The following DST variants were observed in gnomAD, a reference collection of about 807,000 sequenced individuals.
DST encodes the protein dystonin.
DST carries 253 observed loss-of-function variants against 875.2 expected under a neutral mutation model. The ratio of observed to expected loss-of-function variants is 0.29; its 90% confidence interval spans 0.26 to 0.32. DST has a LOEUF of 0.32. DST is among the 10% of genes least tolerant of loss of function. The pLI is 1.00. For missense variants in DST, 8,287 were observed against 9,111.6 expected, an observed-to-expected ratio of 0.91 and a Z score of 3.68; for synonymous variants, 3,124 against 3,197.1, an observed-to-expected ratio of 0.98 and a Z score of 0.77.
chr6:56,688,806 G>A (rs1179277961), intron 9 of DST, among the ~76,000 whole-genome samples: 3 of 152,090 alleles, frequency 2.0e-5, no homozygotes, highest in Non-Finnish European at 2.9e-5. Flanking sequence ...AAAGAGCTAC[G>A]TTTTACTTAT....
intron 2 of DST, among the ~76,000 whole-genome samples, chr6:56,921,873 G>A (rs1260205465): frequency 6.6e-6 from 1 of 152,026 alleles, no homozygotes; most frequent in Non-Finnish European, 1.5e-5. Context: ...AACCATAGAA[G>A]ATACAAAAGA....
At chr6:56,529,165 C>T (rs1046727355) in intron 66 of DST, among the ~76,000 whole-genome samples, 3 of 152,070 alleles carry the variant, frequency 2.0e-5, no homozygotes, top group African/African-American at 7.2e-5. Context: ...TACTTAGGGC[C>T]CTATGAAAAT....
chr6:56,536,000 T>C (rs2096989718), intron 62 of DST, among the ~76,000 whole-genome samples: 1 of 152,234 alleles, frequency 6.6e-6, no homozygotes, highest in Admixed American at 6.5e-5. Flanking sequence ...TGTATCAGAC[T>C]TTAAAGAATG....
chr6:56,754,509 T>C (rs2099596845), intron 4 of DST, among the ~76,000 whole-genome samples: 1 of 152,162 alleles, frequency 6.6e-6, no homozygotes, highest in Non-Finnish European at 1.5e-5. Context: ...CCATTCTCAT[T>C]ATCACTAGTT....
At chr6:56,784,821 T>C (rs2099701757) in intron 4 of DST, among the ~76,000 whole-genome samples, 1 of 152,196 alleles carries the variant, frequency 6.6e-6, no homozygotes. Flanking sequence ...GAGTTTCCAG[T>C]TTTTCTGCTC....
intron 4 of DST, among the ~76,000 whole-genome samples, chr6:56,789,438 T>A (rs894414575): frequency 4.6e-5 from 7 of 152,252 alleles, no homozygotes; most frequent in African/African-American, 1.4e-4. Context: ...TTACTTTTTT[T>A]AATTGCAGTA....
chr6:56,657,708 C>A (rs2099016849), intron 10 of DST, among the ~76,000 whole-genome samples: 1 of 152,152 alleles, frequency 6.6e-6, no homozygotes, highest in Non-Finnish European at 1.5e-5. Context: ...ACTTAACTAT[C>A]AACTTAAAAC....
At chr6:56,588,053 AC>A (rs1276727587) in intron 49 of DST, among the ~76,000 whole-genome samples, 6 of 152,196 alleles carry the variant, frequency 3.9e-5, no homozygotes, top group Non-Finnish European at 1.5e-5. Flanking sequence ...TCAAATTCAC[AC>A]ATAACAATAT....
intron 48 of DST, among the ~76,000 whole-genome samples, chr6:56,592,681 T>C (rs2098300415): frequency 6.6e-6 from 1 of 152,202 alleles, no homozygotes; most frequent in East Asian, 1.9e-4. Flanking sequence ...ACCATGTGTA[T>C]AGATATCGAT....
chr6:56,784,996 G>C (rs1413628039), intron 4 of DST, among the ~76,000 whole-genome samples: 4 of 152,196 alleles, frequency 2.6e-5, no homozygotes, highest in Non-Finnish European at 5.9e-5. Context: ...GTCCACTCCA[G>C]ACCCTGTTTG....
At chr6:56,620,082 C>A in intron 36 of DST, 1 of 1,613,650 alleles carries the variant, frequency 6.2e-7, no homozygotes, top group South Asian at 1.1e-5. Flanking sequence ...CTTCTTGCTT[C>A]CAATTCAATT....
chr6:56,800,351 TTGATA>T (rs1442328332), intron 4 of DST, among the ~76,000 whole-genome samples: 2 of 152,246 alleles, frequency 1.3e-5, no homozygotes, highest in Non-Finnish European at 1.5e-5. Context: ...GTCAACTCTA[TTGATA>T]TAATTCTAGT....
In DST at chr6:56,593,679, C is replaced by T. The variant is rs756761973; in HGVS notation, c.12710G>A (p.Arg4237Lys). ...TAACATTACCTTAGAGTAGAGAGAC[C>T]TGAACCGATCAGTAGCATGATCCAA... ...RKLDHATDRFRSLYSKCNVLG... is the reference protein window; with the variant it reads ...RKLDHATDRFKSLYSKCNVLG... The change falls in exon 48 of 104, where the codon AGG (arginine) becomes AAG (lysine). Residue 4237 changes from arginine (R) to lysine (K), a missense_variant. Arg to Lys is a conservative substitution (Grantham distance 26, BLOSUM62 2). Transcript: ENST00000680361. 1.1e-5 allele frequency: 17 copies of T among 1,599,620 alleles called. No individual in the cohort carries two copies. In the Admixed American group the frequency reaches 1.2e-4, roughly 11 times the overall value.
chr6:56,601,624 A>C lies in DST; in HGVS notation c.11360T>G (p.Phe3787Cys). 3 of 1,597,242 alleles carry C rather than the reference A, an allele frequency of 1.9e-6. No homozygotes were observed. The highest frequency in any genetic ancestry group is 8.5e-7 in the Non-Finnish European group (1 of 1,171,304). The change falls in exon 44 of 104, where the codon TTT becomes TGT. Residue 3787 changes from phenylalanine to cysteine, a missense_variant. Physicochemically the swap from Phe to Cys is radical, Grantham distance 205 (BLOSUM62 -2). Coordinates refer to ENST00000680361, the MANE Select transcript of DST (RefSeq NM_001374736.1). ...HTKMQLETTAFDVQFFISEYA... is the reference protein window; with the variant it reads ...HTKMQLETTACDVQFFISEYA... ...TTCAGAAATGAAGAACTGCACATCA[A>C]AGGCAGTAGTCTCCAGCTGCATTTT...
chr6:56,882,255 A>C (rs1477441808), intron 3 of DST, among the ~76,000 whole-genome samples: 1 of 152,224 alleles, frequency 6.6e-6, no homozygotes, highest in Non-Finnish European at 1.5e-5. Flanking sequence ...AATTATGAAA[A>C]TTAGTAGCAT....
intron 86 of DST, among the ~76,000 whole-genome samples, chr6:56,487,737 G>A (rs1318948138): frequency 6.6e-6 from 1 of 152,098 alleles, no homozygotes; most frequent in Non-Finnish European, 1.5e-5. Flanking sequence ...CTTACACCTA[G>A]TAGATGTTTA....
At position 56,603,427 on chromosome 6, in the gene DST, A is replaced by G; in HGVS notation, c.10942-7T>C. 1 of 1,609,066 alleles carries G rather than the reference A, an allele frequency of 6.2e-7. No individual in the cohort carries two copies. Among genetic ancestry groups the G allele is most frequent in the Non-Finnish European group, 8.5e-7 (1 of 1,178,388 alleles). On this transcript the variant is annotated splice_polypyrimidine_tract_variant and splice_region_variant and intron_variant, in intron 41 of 103. Transcript: ENST00000680361. ...CTAATCCCAATTCAAATGTCTGCAAAGAAATATATCCCGGACCTATTTACT... is the reference window on the plus strand; with the variant it reads ...CTAATCCCAATTCAAATGTCTGCAAGGAAATATATCCCGGACCTATTTACT...
chr6:56,490,855 G>C (rs1027507507), intron 85 of DST, among the ~76,000 whole-genome samples: 3 of 152,158 alleles, frequency 2.0e-5, no homozygotes, highest in Admixed American at 6.5e-5. Flanking sequence ...CATATAAATA[G>C]AGGAAATGCT....
intron 3 of DST, among the ~76,000 whole-genome samples, chr6:56,875,647 T>C (rs932559588): frequency 6.6e-6 from 1 of 151,948 alleles, no homozygotes; most frequent in Non-Finnish European, 1.5e-5. Context: ...CAGACCAGAG[T>C]GTCTAATGGA....
Sources: allele counts gnomAD v4.1 joint callset (sites outside exome capture counted in the v4.1 genomes callset), GRCh38; gene constraint gnomAD v4.1.1; transcripts MANE v1.5; gene names NCBI Gene and HGNC (gene_info 2026-07-23, HGNC 2026-07-21).